Variants in PSG2 observed in about 807,000 individuals in gnomAD.
The protein encoded by PSG2 is pregnancy-specific beta-1-glycoprotein 2.
A neutral mutation model predicts 36.2 loss-of-function variants in PSG2; 49 were observed. The observed-to-expected ratio is 1.35, with a 90% confidence interval of 1.08 to 1.72. The LOEUF is 1.72. PSG2 is among the 40% of genes most tolerant of loss of function. The pLI, the probability that PSG2 is intolerant of heterozygous loss-of-function variation, is 0.00. For missense variants in PSG2, 605 were observed against 407.2 expected (o/e 1.49, Z -4.18); for synonymous variants, 261 against 155.6 (o/e 1.68, Z -5.04).
At position 43,080,947 on chromosome 19, in the gene PSG2, A is replaced by G; in HGVS notation, c.364T>C (p.Leu122=). 1 of 1,612,988 alleles carries G rather than the reference A, an allele frequency of 6.2e-7. No homozygotes were observed. Among genetic ancestry groups the G allele is most frequent in the Non-Finnish European group, 8.5e-7 (1 of 1,179,628 alleles). The part of the protein sequence containing the change: ...VTREDAGSYT[L]HIIKRGDGTR... ...CCATCACCTCGCTTTATGATGTGTAAGGTGTAGGATCCTGCGTCCTCCCGG... is the reference window on the plus strand; with the variant it reads ...CCATCACCTCGCTTTATGATGTGTAGGGTGTAGGATCCTGCGTCCTCCCGG... The change falls in exon 2 of 6, where the codon TTA becomes CTA. Residue 122 remains leucine (L), a synonymous_variant. Transcript: ENST00000406487.
intron 4 of PSG2, 102 bp downstream of exon 4, chr19:43,071,598 T>C (rs1337647305): frequency 6.2e-7 from 1 of 1,610,366 alleles, no homozygotes; most frequent in Admixed American, 1.7e-5. Context: ...CTTTTGCCCA[T>C]GGGACACAGG....
At chr19:43,076,989 G>C (rs532669157) in intron 2 of PSG2, among the ~76,000 whole-genome samples, 21 of 151,498 alleles carry the variant, frequency 1.4e-4, no homozygotes, top group South Asian at 6.2e-4. Context: ...TCTGGATTTG[G>C]GATGCTCAAT....
chr19:43,074,077 T>A (rs545270937), intron 3 of PSG2, among the ~76,000 whole-genome samples: 1 of 151,702 alleles, frequency 6.6e-6, no homozygotes, highest in African/African-American at 2.4e-5. Flanking sequence ...TTTTTAAGGC[T>A]TTGGGATGTG....
intron 2 of PSG2, among the ~76,000 whole-genome samples, chr19:43,077,490 A>C (rs1187067220): frequency 6.6e-6 from 1 of 151,802 alleles, no homozygotes; most frequent in African/African-American, 2.4e-5. Flanking sequence ...AGGAAACACC[A>C]CTAGAGTTTA....
At chr19:43,064,827 A>T (rs985096882) in intron 5 of PSG2, among the ~76,000 whole-genome samples, 9 of 151,644 alleles carry the variant, frequency 5.9e-5, no homozygotes, top group Admixed American at 2.0e-4. Flanking sequence ...TTTTTAGAAT[A>T]CTCATTAAAA....
At chr19:43,078,676 G>C (rs535608962) in intron 2 of PSG2, among the ~76,000 whole-genome samples, 5 of 151,690 alleles carry the variant, frequency 3.3e-5, no homozygotes, top group Admixed American at 6.6e-5. Context: ...AAATCTCTAA[G>C]CCCTGATCCA....
In PSG2 at chr19:43,071,910, G is replaced by C; in HGVS notation, c.754C>G (p.Arg252Gly). ...GACAAGTAGAGGTTATCTCCTGAACGGTAATTGGTGTATGAAGGGTGAATT... is the reference window on the plus strand; with the variant it reads ...GACAAGTAGAGGTTATCTCCTGAACCGTAATTGGTGTATGAAGGGTGAATT... ...PRIHPSYTNY[R>G]SGDNLYLSCF... Residue 252 changes from arginine to glycine, a missense_variant, in exon 4 of 6, where the codon CGT becomes GGT. Coordinates refer to ENST00000406487, the MANE Select transcript of PSG2 (RefSeq NM_031246.4). The C allele has an allele frequency of 6.2e-7, 1 of 1,612,660 alleles. No homozygotes were observed. Among genetic ancestry groups the C allele is most frequent in the Non-Finnish European group, 8.5e-7 (1 of 1,179,258 alleles).
At chr19:43,077,522 T>G (rs10418595) in intron 2 of PSG2, among the ~76,000 whole-genome samples, 44,746 of 151,230 alleles carry the variant, frequency 0.3, 8,685 homozygotes, top group African/African-American at 0.53. Context: ...AATAGGAAGA[T>G]TCTAAGTGAG....
chr19:43,076,412 G>C (rs1430990144), intron 2 of PSG2, among the ~76,000 whole-genome samples: 3 of 151,752 alleles, frequency 2.0e-5, no homozygotes, highest in African/African-American at 4.9e-5. Context: ...GGACGATGTG[G>C]ACCTTTCTAG....
At chr19:43,065,298 G>C (rs1030216781) in intron 5 of PSG2, among the ~76,000 whole-genome samples, 1 of 151,514 alleles carries the variant, frequency 6.6e-6, no homozygotes, top group Non-Finnish European at 1.5e-5. Flanking sequence ...TCTTGGTGTA[G>C]CCCATTCATA....
chr19:43,067,290 C>T, intron 4 of PSG2, among the ~76,000 whole-genome samples: 1 of 151,200 alleles, frequency 6.6e-6, no homozygotes, highest in East Asian at 1.9e-4. Context: ...AGATGTCTTC[C>T]CTGATAAATT....
intron 4 of PSG2, among the ~76,000 whole-genome samples, chr19:43,070,497 T>A (rs867695930): frequency 7.9e-5 from 12 of 151,758 alleles, no homozygotes; most frequent in African/African-American, 2.2e-4. Context: ...GTCTATACGT[T>A]GAAATGTTAT....
intron 2 of PSG2, among the ~76,000 whole-genome samples, chr19:43,078,854 CT>C (rs1967932785): frequency 6.6e-6 from 1 of 151,600 alleles, no homozygotes; most frequent in Non-Finnish European, 1.5e-5. Context: ...GTTGGAGGGA[CT>C]TCCTATCCCT....
In PSG2 at chr19:43,078,689, G is replaced by T. The variant is rs867270805; in HGVS notation, c.430+2192C>A. Among the ~76,000 whole-genome samples, 28 of 151,746 alleles carry T rather than the reference G, an allele frequency of 1.8e-4. No homozygotes were observed. In the Middle Eastern group the frequency reaches 0.01, roughly 55 times the overall value. ...GAAAATCTCTAAGCCCTGATCCACTGGGGAGGCTGATTTGAGTAATAATAA... is the reference window on the plus strand; with the variant it reads ...GAAAATCTCTAAGCCCTGATCCACTTGGGAGGCTGATTTGAGTAATAATAA... On this transcript the variant is annotated intron_variant, in intron 2 of 5. Transcript: ENST00000406487.
At chr19:43,072,429 C>A (rs1353250028) in intron 3 of PSG2, 4 of 1,612,176 alleles carry the variant, frequency 2.5e-6, no homozygotes, top group Non-Finnish European at 3.4e-6. Context: ...GGTCCTGTTT[C>A]ATTTCTCGTG....
rs188087382 is a variant in PSG2 at position 43,075,855 on chromosome 19, T to A, written c.431-223A>T. ...AGAAGCACAGACTTTCTCAGGTGTG[T>A]ATTGAGCAGCAGCATTGGGTCATGG... On this transcript the variant is annotated intron_variant, in intron 2 of 5. Coordinates refer to ENST00000406487, the MANE Select transcript of PSG2 (RefSeq NM_031246.4). 4.9e-4 allele frequency among the ~76,000 whole-genome samples: 75 copies of A among 151,588 alleles called. 2 individuals carry two copies. In the Middle Eastern group the frequency reaches 0.031, roughly 62 times the overall value.
At chr19:43,079,971 T>G (rs1355885508) in intron 2 of PSG2, among the ~76,000 whole-genome samples, 1 of 151,752 alleles carries the variant, frequency 6.6e-6, no homozygotes, top group African/African-American at 2.4e-5. Flanking sequence ...TTTCTCTCAA[T>G]CAAATAAGCT....
In PSG2 at chr19:43,064,993, G is replaced by A. The variant is rs546941536; in HGVS notation, c.*41-392C>T. On this transcript the variant is annotated intron_variant, in intron 5 of 5. Coordinates refer to ENST00000406487, the MANE Select transcript of PSG2 (RefSeq NM_031246.4). The stretch of plus-strand genomic sequence containing the variant: ...ACTACAGGTGCCTGCCACCACACCC[G>A]GCTAATTTTGTTTTTGCATTTTTAG... 1.6e-4 allele frequency among the ~76,000 whole-genome samples: 25 copies of A among 151,594 alleles called. 1 individual carries two copies. Among genetic ancestry groups the A allele is most frequent in the South Asian group, 8.3e-4 (4 of 4,812 alleles).
At chr19:43,067,682 C>A (rs574916990) in intron 4 of PSG2, among the ~76,000 whole-genome samples, 1 of 151,142 alleles carries the variant, frequency 6.6e-6, no homozygotes, top group Non-Finnish European at 1.5e-5. Flanking sequence ...GACTATTTGA[C>A]CTCAAGGTTG....
Sources: gnomAD v4.1 joint callset for allele counts (sites outside exome capture counted in the v4.1 genomes callset) on GRCh38, gnomAD v4.1.1 for gene constraint, MANE v1.5 for transcripts, NCBI Gene and HGNC (gene_info 2026-07-23, HGNC 2026-07-21) for gene names.